The following AK9 variants were observed in gnomAD, a reference collection of about 807,000 sequenced individuals.
The protein encoded by AK9 is adenylate kinase 9, also known as adenylate kinase domain containing 1.
AK9 carries 191 observed loss-of-function variants against 239.6 expected under a neutral mutation model. The ratio of observed to expected loss-of-function variants is 0.80; its 90% CI spans 0.71 to 0.90. The LOEUF (loss-of-function observed/expected upper bound fraction) is 0.90. Ranked by LOEUF, AK9 falls within the 40% of genes least tolerant of loss-of-function variation. AK9 has a pLI of 0.00. For missense variants in AK9, 1,995 were observed against 2,214.7 expected (o/e 0.90, Z 1.99); for synonymous variants, 689 against 721.0 (o/e 0.96, Z 0.71).
chr6:109,550,007 C>G, intron 25 of AK9, 83 bp downstream of exon 25: 1 of 1,408,072 alleles, frequency 7.1e-7, no homozygotes, highest in East Asian at 2.3e-5. Flanking sequence ...GGGATTTCAC[C>G]CTTAAGTAAA....
At chr6:109,596,902 C>G (rs1172901010) in intron 17 of AK9, among the ~76,000 whole-genome samples, 1 of 152,060 alleles carries the variant, frequency 6.6e-6, no homozygotes, top group East Asian at 1.9e-4. Flanking sequence ...ATTTTTAGTT[C>G]TTCATTCAAC....
intron 10 of AK9, among the ~76,000 whole-genome samples, chr6:109,634,516 A>C (rs1796488679): frequency 6.6e-6 from 1 of 152,218 alleles, no homozygotes; most frequent in Admixed American, 6.5e-5. Context: ...CACATGATAT[A>C]TGCTTGCTTC....
chr6:109,516,283 T>A (rs148837293), intron 30 of AK9, 147 bp downstream of exon 30: 2 of 883,206 alleles, frequency 2.3e-6, no homozygotes, highest in Non-Finnish European at 3.4e-6. Context: ...ACTTATTGCA[T>A]AATTGTTAAA....
intron 24 of AK9, among the ~76,000 whole-genome samples, chr6:109,553,733 A>G (rs1784631611): frequency 6.6e-6 from 1 of 152,174 alleles, no homozygotes; most frequent in Admixed American, 6.5e-5. Context: ...AACGTCCAAT[A>G]CTATGTTGAA....
At chr6:109,624,212 G>C (rs148537783) in intron 12 of AK9, among the ~76,000 whole-genome samples, 177 of 152,106 alleles carry the variant, frequency 1.2e-3, no homozygotes, top group African/African-American at 4.1e-3. Context: ...AAACTGGATT[G>C]GTTATTTTCT....
chr6:109,591,156 T>A, intron 17 of AK9, among the ~76,000 whole-genome samples: 1 of 152,090 alleles, frequency 6.6e-6, no homozygotes, highest in Non-Finnish European at 1.5e-5. Context: ...TGTCTTTCTC[T>A]TTTCTTAGGT....
chr6:109,498,947 T>A (rs1777334702), intron 36 of AK9, 97 bp downstream of exon 36: 2 of 1,080,690 alleles, frequency 1.9e-6, no homozygotes, highest in Non-Finnish European at 2.5e-6. Flanking sequence ...GGGCTCCTAG[T>A]CCCAAGTTTC....
intron 26 of AK9, among the ~76,000 whole-genome samples, chr6:109,542,814 A>T (rs1431466553): frequency 6.6e-6 from 1 of 152,192 alleles, no homozygotes; most frequent in Non-Finnish European, 1.5e-5. Context: ...AAGTAATGGC[A>T]AAAACACAAC....
intron 8 of AK9, among the ~76,000 whole-genome samples, chr6:109,649,811 A>C (rs527760792): frequency 6.6e-6 from 1 of 150,494 alleles, no homozygotes; most frequent in African/African-American, 2.5e-5. Context: ...AGCTGGAGGC[A>C]TCACGCTACC....
intron 1 of AK9, among the ~76,000 whole-genome samples, chr6:109,686,201 A>C (rs1295690393): frequency 6.6e-6 from 1 of 152,248 alleles, no homozygotes; most frequent in Non-Finnish European, 1.5e-5. Flanking sequence ...ACAATATCAG[A>C]CCTAGTGAGC....
chr6:109,632,554 T>G, intron 12 of AK9: 1 of 239,078 alleles, frequency 4.2e-6, no homozygotes, highest in South Asian at 1.3e-4. Flanking sequence ...CACCAAGAAT[T>G]AGGACAGGAG....
chr6:109,622,054 T>C (rs188549373), intron 12 of AK9, among the ~76,000 whole-genome samples: 1 of 147,136 alleles, frequency 6.8e-6, no homozygotes, highest in Admixed American at 6.8e-5. Flanking sequence ...ATATAGATAA[T>C]ACATGTGTAT....
chr6:109,650,020 C>G (rs894388971), intron 8 of AK9, among the ~76,000 whole-genome samples: 2 of 152,194 alleles, frequency 1.3e-5, no homozygotes, highest in African/African-American at 4.8e-5. Context: ...GCTGGGAAAA[C>G]TGGCTAGCCA....
At chr6:109,611,988 A>T in intron 16 of AK9, 22 bp downstream of exon 16, 3 of 1,430,662 alleles carry the variant, frequency 2.1e-6, no homozygotes, top group East Asian at 2.5e-5. Flanking sequence ...AAAAGAATCA[A>T]ATTATACAAA....
chr6:109,582,816 A>G (rs1789017376), intron 19 of AK9, among the ~76,000 whole-genome samples: 1 of 152,192 alleles, frequency 6.6e-6, no homozygotes, highest in African/African-American at 2.4e-5. Context: ...AAGAAAGAGT[A>G]ATAAACAGAT....
intron 29 of AK9, 189 bp downstream of exon 29, chr6:109,528,822 C>G: frequency 1.0e-6 from 1 of 1,000,902 alleles, no homozygotes. Flanking sequence ...ACAAGAGTGT[C>G]TTAAGCCAGA....
At chr6:109,514,582 A>T (rs534749765) in intron 31 of AK9, 145 bp from the exon 32 acceptor site, 29 of 724,194 alleles carry the variant, frequency 4.0e-5, no homozygotes, top group Non-Finnish European at 5.9e-5. Context: ...AAAGGTTAAT[A>T]TTAAACAACT....
chr6:109,542,267 C>T (rs1324780046), intron 26 of AK9, 96 bp from the exon 27 acceptor site: 1 of 1,195,140 alleles, frequency 8.4e-7, no homozygotes, highest in African/African-American at 1.6e-5. Flanking sequence ...AGGAGGACCT[C>T]ATGGAGGTGG....
At chr6:109,538,362 G>T (rs1404768634) in intron 27 of AK9, among the ~76,000 whole-genome samples, 2 of 152,096 alleles carry the variant, frequency 1.3e-5, no homozygotes, top group African/African-American at 4.8e-5. Flanking sequence ...TTATGTAATG[G>T]CCTTCTTTGA....
Sources: gnomAD v4.1 joint callset for allele counts (sites outside exome capture counted in the v4.1 genomes callset) on GRCh38, gnomAD v4.1.1 for gene constraint, MANE v1.5 for transcripts, NCBI Gene and HGNC (gene_info 2026-07-23, HGNC 2026-07-21) for gene names.